Variants in PPP2R5C observed in about 807,000 individuals in gnomAD.
The protein encoded by PPP2R5C is protein phosphatase 2 regulatory subunit B'gamma, also known as serine/threonine-protein phosphatase 2A 56 kDa regulatory subunit gamma isoform.
Under a neutral mutation model 68.9 loss-of-function variants are expected in PPP2R5C, and 7 were observed. The ratio of observed to expected loss-of-function variants is 0.10; its 90% CI spans 0.06 to 0.19. The LOEUF (loss-of-function observed/expected upper bound fraction) is 0.19, where lower values mean the gene tolerates loss of function less well. Ranked by LOEUF, PPP2R5C falls within the 10% of genes least tolerant of loss-of-function variation. PPP2R5C has a pLI of 1.00. For missense variants in PPP2R5C, 348 were observed against 641.3 expected, an observed-to-expected ratio of 0.54 and a Z score of 4.94; for synonymous variants, 210 against 222.2, an observed-to-expected ratio of 0.95 and a Z score of 0.49.
intron 1 of PPP2R5C, chr14:101,839,195 A>G (rs933945122): frequency 6.7e-6 from 1 of 149,784 alleles, no homozygotes; most frequent in African/African-American, 2.5e-5. Flanking sequence ...TGCTAAAAAT[A>G]CAAAATTAGC....
At chr14:101,905,748 C>T (rs2045984652) in intron 9 of PPP2R5C, among the ~76,000 whole-genome samples, 1 of 152,130 alleles carries the variant, frequency 6.6e-6, no homozygotes, top group Admixed American at 6.5e-5. Context: ...GTTCCCCTGC[C>T]CTCCTACTGT....
intron 2 of PPP2R5C, among the ~76,000 whole-genome samples, chr14:101,764,160 C>G (rs964595650): frequency 2.6e-5 from 4 of 152,188 alleles, no homozygotes; most frequent in Non-Finnish European, 4.4e-5. Context: ...TCCTTCACAC[C>G]GTGAAGTGCC....
chr14:101,805,356 C>T (rs2039033225), upstream of PPP2R5C, among the ~76,000 whole-genome samples: 2 of 152,224 alleles, frequency 1.3e-5, no homozygotes, highest in South Asian at 4.1e-4. Context: ...AGGTGTGAGC[C>T]ACCACACCCG....
At chr14:101,814,515 C>T (rs1241562803) in intron 1 of PPP2R5C, among the ~76,000 whole-genome samples, 1 of 152,190 alleles carries the variant, frequency 6.6e-6, no homozygotes, top group Non-Finnish European at 1.5e-5. Context: ...CACTCTCATC[C>T]ACCTCCCTCA....
chr14:101,761,942 G>C, intron 1 of PPP2R5C, 22 bp downstream of exon 1: 1 of 1,191,788 alleles, frequency 8.4e-7, no homozygotes, highest in Non-Finnish European at 1.0e-6. Flanking sequence ...CCCGGCCGCG[G>C]GACGGAGGGA....
At chr14:101,922,354 T>C (rs1293146463) in intron 13 of PPP2R5C, among the ~76,000 whole-genome samples, 1 of 152,056 alleles carries the variant, frequency 6.6e-6, no homozygotes, top group Non-Finnish European at 1.5e-5. Flanking sequence ...CCGGACGTGG[T>C]GGCAGGCACC....
At position 101,781,640 on chromosome 14, in the gene PPP2R5C, C is replaced by T. The variant is rs2037697633; in HGVS notation, c.94-4378C>T. 2.0e-5 allele frequency among the ~76,000 whole-genome samples: 3 copies of T among 152,148 alleles called. No homozygotes were observed. The South Asian group carries it at 6.2e-4, about 31-fold the overall frequency. ...TCCCGCCGGCCGCCTCCGGAGCCTC[C>T]GGCATGGGCCCCAGGCCGGGGTCCC... On this transcript the variant is annotated intron_variant, in intron 2 of 14. Coordinates refer to the PPP2R5C transcript ENST00000328724. The surrounding 1 kb of genome is among the most constrained non-coding windows in gnomAD (Gnocchi z 6.4).
chr14:101,920,244 G>T (rs999826396), intron 13 of PPP2R5C, among the ~76,000 whole-genome samples: 8 of 152,184 alleles, frequency 5.3e-5, no homozygotes, highest in Non-Finnish European at 7.3e-5. Flanking sequence ...GTATCTGTGT[G>T]ATATTCGGGG....
intron 1 of PPP2R5C, among the ~76,000 whole-genome samples, chr14:101,851,776 A>T (rs911204702): frequency 1.3e-4 from 20 of 151,626 alleles, no homozygotes; most frequent in Admixed American, 4.6e-4. Flanking sequence ...ATTTCTTTTG[A>T]CCACCAAGAC....
intron 1 of PPP2R5C, among the ~76,000 whole-genome samples, chr14:101,845,885 T>C (rs531328572): frequency 6.6e-6 from 1 of 152,332 alleles, no homozygotes; most frequent in African/African-American, 2.4e-5. Flanking sequence ...GGGTTGTCTC[T>C]ATCCAAACAT....
intron 2 of PPP2R5C, among the ~76,000 whole-genome samples, chr14:101,778,787 G>A (rs2140012855): frequency 1.3e-5 from 2 of 152,264 alleles, no homozygotes; most frequent in East Asian, 3.9e-4. Flanking sequence ...GGGTGCGGTG[G>A]CTCACCACAC....
chr14:101,800,085 C>T (rs904087280), intron 3 of PPP2R5C, among the ~76,000 whole-genome samples: 1 of 152,082 alleles, frequency 6.6e-6, no homozygotes, highest in East Asian at 1.9e-4. Context: ...CTTGTCCCTA[C>T]AAAAAATTTA....
intron 2 of PPP2R5C, among the ~76,000 whole-genome samples, chr14:101,769,609 T>C (rs1317557990): frequency 6.6e-6 from 1 of 152,226 alleles, no homozygotes; most frequent in Non-Finnish European, 1.5e-5. Context: ...AATAACAGTA[T>C]ACTAAAGCAG....
chr14:101,876,165 C>T (rs2043763503), intron 2 of PPP2R5C, among the ~76,000 whole-genome samples: 1 of 152,072 alleles, frequency 6.6e-6, no homozygotes, highest in African/African-American at 2.4e-5. Context: ...TGCGAAGGGG[C>T]TTAACACTTT....
chr14:101,905,764 C>A (rs541645910), intron 9 of PPP2R5C, among the ~76,000 whole-genome samples: 46 of 152,242 alleles, frequency 3.0e-4, no homozygotes, highest in Admixed American at 2.7e-3. Flanking sequence ...ACTGTTCATG[C>A]CCCCACTGCC....
At chr14:101,858,881 C>T (rs1358641672) in intron 2 of PPP2R5C, among the ~76,000 whole-genome samples, 3 of 152,146 alleles carry the variant, frequency 2.0e-5, no homozygotes, top group Non-Finnish European at 4.4e-5. Flanking sequence ...AACCGCCTCT[C>T]GTTTGTATTT....
chr14:101,910,232 G>A (rs2046305853), intron 11 of PPP2R5C, among the ~76,000 whole-genome samples: 1 of 152,200 alleles, frequency 6.6e-6, no homozygotes. Flanking sequence ...TTCGTCCCTA[G>A]GCTGTGCAAG....
rs751798966 is a variant in PPP2R5C at position 101,906,367 on chromosome 14, C to CA, written c.1024-33dup. On this transcript the variant is annotated intron_variant, in intron 9 of 13. Coordinates refer to ENST00000334743, the Ensembl canonical transcript of PPP2R5C. This position sits in a 1 kb window ranked among gnomAD's most constrained non-coding sequence, Gnocchi z 4.0. ...GGACAGCCACCTGATGTCTCAGGCA[C>CA]AACCTCCAGCAAGCCATCCACTTGT... 7.7e-6 allele frequency: 12 copies of CA among 1,556,262 alleles called. No homozygotes were observed. In the African/African-American group the frequency reaches 1.5e-4, roughly 20 times the overall value.
rs557011456 is a variant in PPP2R5C, at chr14:101,906,879, CG to C, written c.1151+354del. 6.6e-5 allele frequency among the ~76,000 whole-genome samples: 10 copies of C among 152,242 alleles called. No individual in the cohort carries two copies. In the South Asian group the frequency reaches 1.2e-3, roughly 19 times the overall value. On this transcript the variant is annotated intron_variant, in intron 10 of 13. Coordinates refer to ENST00000334743, the Ensembl canonical transcript of PPP2R5C. The surrounding 1 kb of genome is among the most constrained non-coding windows in gnomAD (Gnocchi z 4.0). Reference sequence around the variant, plus strand: ...GGGGGCACAGTGGCCACTGCATTCTCGGGGTGTCTATTGAGCTCTGCTGACA... The same window carrying C: ...GGGGGCACAGTGGCCACTGCATTCTCGGGTGTCTATTGAGCTCTGCTGACA...
Sources: gnomAD v4.1 joint callset for allele counts (sites outside exome capture counted in the v4.1 genomes callset) on GRCh38, gnomAD v4.1.1 for gene constraint, Gnocchi (gnomAD v3.1) non-coding constraint, MANE v1.5 for transcripts, NCBI Gene and HGNC (gene_info 2026-07-23, HGNC 2026-07-21) for gene names.